The following HIVEP3 variants were observed in gnomAD, a reference collection of about 807,000 sequenced individuals.
The protein encoded by HIVEP3 is transcription factor HIVEP3.
Under a neutral mutation model 152.8 loss-of-function variants are expected in HIVEP3, and 49 were observed. That is an observed-to-expected ratio of 0.32 (90% CI 0.26 to 0.41). The LOEUF is 0.41. Among genes scored for constraint, HIVEP3 ranks in the 10% least tolerant of loss-of-function variants. The pLI is 1.00. For missense variants in HIVEP3, 2,790 were observed against 3,103.3 expected, an observed-to-expected ratio of 0.90 and a Z score of 2.40; for synonymous variants, 1,269 against 1,289.0, an observed-to-expected ratio of 0.98 and a Z score of 0.33.
chr1:41,790,766 G>A (rs1649644039), intron 1 of HIVEP3, among the ~76,000 whole-genome samples: 1 of 152,096 alleles, frequency 6.6e-6, no homozygotes, highest in African/African-American at 2.4e-5. Flanking sequence ...CAAATCTGCA[G>A]GCCTCAACAA....
chr1:41,806,126 C>T (rs897257588), intron 1 of HIVEP3, among the ~76,000 whole-genome samples: 8 of 152,114 alleles, frequency 5.3e-5, no homozygotes, highest in Non-Finnish European at 1.0e-4. Flanking sequence ...CTCTGCCTTC[C>T]TTCCTGAATG....
At chr1:42,034,835 A>AT in intron 1 of HIVEP3, among the ~76,000 whole-genome samples, 1 of 152,266 alleles carries the variant, frequency 6.6e-6, no homozygotes, top group Non-Finnish European at 1.5e-5. Flanking sequence ...AGAAAACCAA[A>AT]TAACCCACCA....
At chr1:41,737,284 T>C (rs1646932499) in intron 1 of HIVEP3, among the ~76,000 whole-genome samples, 1 of 152,200 alleles carries the variant, frequency 6.6e-6, no homozygotes, top group South Asian at 2.1e-4. Flanking sequence ...GGGGACTGAT[T>C]AAGATACTGT....
intron 1 of HIVEP3, among the ~76,000 whole-genome samples, chr1:41,981,526 C>T (rs1285207525): frequency 6.6e-6 from 1 of 152,128 alleles, no homozygotes; most frequent in South Asian, 2.1e-4. Flanking sequence ...CGTCTTCCTG[C>T]TCTGCAGTGC....
chr1:41,616,553 G>A (rs1433279395), intron 3 of HIVEP3, among the ~76,000 whole-genome samples: 2 of 146,100 alleles, frequency 1.4e-5, no homozygotes, highest in African/African-American at 5.1e-5. Context: ...CTCACTGCCT[G>A]AGGCAATAGC....
At chr1:41,666,614 G>T (rs1429057447) in intron 2 of HIVEP3, among the ~76,000 whole-genome samples, 1 of 152,140 alleles carries the variant, frequency 6.6e-6, no homozygotes, top group African/African-American at 2.4e-5. Flanking sequence ...TCATCTTCAT[G>T]GATGTGGGCA....
At chr1:42,022,292 C>T (rs1645559025) in intron 1 of HIVEP3, among the ~76,000 whole-genome samples, 1 of 152,082 alleles carries the variant, frequency 6.6e-6, no homozygotes, top group Non-Finnish European at 1.5e-5. Flanking sequence ...ATGAGATTGC[C>T]CTTTCCCCAA....
intron 1 of HIVEP3, among the ~76,000 whole-genome samples, chr1:41,893,347 A>G (rs1168438982): frequency 6.6e-6 from 1 of 152,198 alleles, no homozygotes; most frequent in African/African-American, 2.4e-5. Flanking sequence ...TCTCCAGGAT[A>G]TTAATCCCTC....
chr1:41,625,538 A>C (rs1278004353), intron 3 of HIVEP3, among the ~76,000 whole-genome samples: 1 of 152,228 alleles, frequency 6.6e-6, no homozygotes, highest in Non-Finnish European at 1.5e-5. Flanking sequence ...CTAATAACAT[A>C]ATAAATATAA....
At chr1:41,801,281 C>T (rs1650288090) in intron 1 of HIVEP3, among the ~76,000 whole-genome samples, 2 of 152,068 alleles carry the variant, frequency 1.3e-5, no homozygotes, top group African/African-American at 4.8e-5. Flanking sequence ...CCTCCCTTGC[C>T]CCAGGTAATT....
Position 41,769,606 on chromosome 1 carries a change from G to T in HIVEP3, c.-800-68611C>A, listed in dbSNP as rs568377125. On this transcript the variant is annotated intron_variant, in intron 1 of 8. Transcript: ENST00000372583. ...AGAAGTAAAAAAAGAAGTTAAGAAG[G>T]AAGAAAGGAACAAAGGAAGGAAGTA... Among the ~76,000 whole-genome samples, 5 of 152,266 alleles carry T rather than the reference G, an allele frequency of 3.3e-5. No individual in the cohort carries two copies. The South Asian group carries it at 1.0e-3, about 32-fold the overall frequency.
intron 1 of HIVEP3, among the ~76,000 whole-genome samples, chr1:41,888,435 C>T (rs895257245): frequency 1.5e-4 from 22 of 151,324 alleles, no homozygotes; most frequent in African/African-American, 5.4e-4. Flanking sequence ...TGAGTGTGGC[C>T]GATATGTGAG....
chr1:41,599,447 AC>A lies in HIVEP3; in HGVS notation c.-521-14130del, dbSNP rs1287353337. ...CATTAAAATTTAAAACTTCTGTTCAACAAAGACTCTAATAATAGAGTAGAAA... is the reference window on the plus strand; with the variant it reads ...CATTAAAATTTAAAACTTCTGTTCAAAAAGACTCTAATAATAGAGTAGAAA... On this transcript the variant is annotated intron_variant, in intron 3 of 8. Coordinates refer to ENST00000372583, the MANE Select transcript of HIVEP3 (RefSeq NM_024503.5). Among the ~76,000 whole-genome samples the A allele has an allele frequency of 2.6e-5, 4 of 152,246 alleles. No homozygotes were observed. The East Asian group carries it at 7.7e-4, about 29-fold the overall frequency.
intron 1 of HIVEP3, among the ~76,000 whole-genome samples, chr1:41,754,712 C>T (rs933673905): frequency 5.3e-5 from 8 of 152,166 alleles, no homozygotes; most frequent in African/African-American, 1.9e-4. Flanking sequence ...CTTGATATCA[C>T]CAAGGTACCA....
chr1:41,923,710 G>T (rs1327410892), upstream of HIVEP3, among the ~76,000 whole-genome samples: 1 of 152,076 alleles, frequency 6.6e-6, no homozygotes, highest in Admixed American at 6.5e-5. Context: ...GCCTGATTTG[G>T]TCATTCCATA....
chr1:41,709,534 CG>C (rs1646482480), intron 1 of HIVEP3, among the ~76,000 whole-genome samples: 1 of 152,158 alleles, frequency 6.6e-6, no homozygotes, highest in Non-Finnish European at 1.5e-5. Flanking sequence ...CATTTCCTGA[CG>C]ATCTTCCTTG....
At chr1:41,702,787 G>A (rs1044335739) in intron 1 of HIVEP3, among the ~76,000 whole-genome samples, 1 of 152,186 alleles carries the variant, frequency 6.6e-6, no homozygotes, top group African/African-American at 2.4e-5. Context: ...AGTCTTGGAG[G>A]TTCACACAAA....
chr1:41,906,324 T>C (rs116355991), intron 1 of HIVEP3, among the ~76,000 whole-genome samples: 1,549 of 150,708 alleles, frequency 0.01, 24 homozygotes, highest in African/African-American at 0.037. Context: ...AAAAAAATCC[T>C]GTGGCATATC....
intron 5 of HIVEP3, chr1:41,542,396 A>C: frequency 6.4e-6 from 1 of 155,690 alleles, no homozygotes; most frequent in Non-Finnish European, 1.4e-5. Flanking sequence ...TGAACTTCCC[A>C]GGACCCCCCC....
Sources: gnomAD v4.1 joint callset for allele counts (sites outside exome capture counted in the v4.1 genomes callset) on GRCh38, gnomAD v4.1.1 for gene constraint, MANE v1.5 for transcripts, NCBI Gene and HGNC (gene_info 2026-07-23, HGNC 2026-07-21) for gene names.